MGAT4C: variants seen among roughly 807,000 people sequenced by gnomAD.
MGAT4C encodes the protein MGAT4 family member C, also known as alpha-1,3-mannosyl-glycoprotein 4-beta-N-acetylglucosaminyltransferase C.
MGAT4C carries 19 observed loss-of-function variants against 40.1 expected under a neutral mutation model. The observed-to-expected ratio is 0.47, with a 90% CI of 0.33 to 0.70. The LOEUF is 0.70. MGAT4C is among the 30% of genes least tolerant of loss of function. The pLI is 0.02. For missense variants in MGAT4C, 491 were observed against 563.2 expected, an observed-to-expected ratio of 0.87 and a Z score of 1.30; for synonymous variants, 181 against 187.1, an observed-to-expected ratio of 0.97 and a Z score of 0.27.
rs181430304 is a variant in MGAT4C, at chr12:86,537,672, A to C, written c.-228-102407T>G. Among the ~76,000 whole-genome samples the C allele has an allele frequency of 3.0e-3, 464 of 152,316 alleles. 1 individual carries two copies. The highest frequency in any genetic ancestry group is 6.8e-3 in the Middle Eastern group (2 of 294). ...GTAGAACTTTAATTAATATTTGTTG[A>C]GTGAACGCCTCTAATTTGGGGACAA... On this transcript the variant is annotated intron_variant, in intron 2 of 7. Transcript: ENST00000548651.
intron 2 of MGAT4C, among the ~76,000 whole-genome samples, chr12:85,999,934 C>T (rs1887114984): frequency 6.6e-6 from 1 of 152,064 alleles, no homozygotes; most frequent in Admixed American, 6.6e-5. Flanking sequence ...TAAGTTCTTG[C>T]AGTCTATTAC....
chr12:86,677,579 A>G (rs1015002178), intron 2 of MGAT4C, among the ~76,000 whole-genome samples: 1 of 152,186 alleles, frequency 6.6e-6, no homozygotes, highest in Non-Finnish European at 1.5e-5. Context: ...TTCTTTACAG[A>G]GAATTTACTG....
chr12:86,646,326 A>G (rs1963543403), intron 2 of MGAT4C, among the ~76,000 whole-genome samples: 2 of 151,996 alleles, frequency 1.3e-5, no homozygotes, highest in African/African-American at 2.4e-5. Context: ...AATTCACCTA[A>G]TTTATTCAAT....
At chr12:86,710,293 T>C (rs1560016) in intron 2 of MGAT4C, among the ~76,000 whole-genome samples, 138,194 of 152,212 alleles carry the variant, frequency 0.91, 63,718 homozygotes, top group Non-Finnish European at 1. Flanking sequence ...AAGTATGATA[T>C]TATTGTGCAA....
At chr12:86,451,105 T>C (rs1230102634) in intron 2 of MGAT4C, among the ~76,000 whole-genome samples, 1 of 152,126 alleles carries the variant, frequency 6.6e-6, no homozygotes, top group Non-Finnish European at 1.5e-5. Context: ...TGGGGCCTAG[T>C]AGGAGGTGAT....
chr12:86,367,484 C>G (rs1955621437), intron 3 of MGAT4C, among the ~76,000 whole-genome samples: 1 of 152,168 alleles, frequency 6.6e-6, no homozygotes, highest in South Asian at 2.1e-4. Flanking sequence ...CCGCTGAATG[C>G]TTCAACCCTG....
chr12:86,606,543 T>C (rs1035860175), intron 2 of MGAT4C, among the ~76,000 whole-genome samples: 5 of 152,152 alleles, frequency 3.3e-5, no homozygotes, highest in African/African-American at 1.2e-4. Context: ...GTGACTCCCT[T>C]TGTGAGCTAG....
chr12:86,296,853 C>T (rs568530758), intron 4 of MGAT4C, among the ~76,000 whole-genome samples: 1 of 152,334 alleles, frequency 6.6e-6, no homozygotes, highest in East Asian at 1.9e-4. Flanking sequence ...AGTGCAGTGG[C>T]GGGCCAAAGG....
chr12:86,289,712 T>G lies in MGAT4C; in HGVS notation c.-57+44353A>C, dbSNP rs77507947. ...CTTGACTGGGATCTCAGCTTGGATG[T>G]TGTTGGTGTGTACAAATGCTACTAA... On this transcript the variant is annotated intron_variant, in intron 4 of 7. Coordinates refer to the MGAT4C transcript ENST00000548651. Among the ~76,000 whole-genome samples, 276 of 152,262 alleles carry G rather than the reference T, an allele frequency of 1.8e-3. 8 individuals carry two copies. In the East Asian group the frequency reaches 0.046, roughly 26 times the overall value.
At chr12:86,224,368 C>A (rs1356807565) in intron 1 of MGAT4C, among the ~76,000 whole-genome samples, 2 of 152,028 alleles carry the variant, frequency 1.3e-5, no homozygotes, top group Non-Finnish European at 2.9e-5. Context: ...GACTTCAACA[C>A]CCCACTGCCT....
intron 3 of MGAT4C, among the ~76,000 whole-genome samples, chr12:86,431,745 T>G (rs977446240): frequency 2.0e-5 from 3 of 152,140 alleles, no homozygotes; most frequent in African/African-American, 7.2e-5. Flanking sequence ...TTGCTGCTGC[T>G]TCCCTGCACC....
At chr12:86,653,015 C>T (rs577476611) in intron 2 of MGAT4C, among the ~76,000 whole-genome samples, 1 of 151,784 alleles carries the variant, frequency 6.6e-6, no homozygotes, top group Admixed American at 6.6e-5. Flanking sequence ...GCTATAGGGG[C>T]TTTTTACTTT....
At chr12:86,496,184 G>A (rs1958231333) in intron 2 of MGAT4C, among the ~76,000 whole-genome samples, 1 of 151,934 alleles carries the variant, frequency 6.6e-6, no homozygotes, top group Non-Finnish European at 1.5e-5. Flanking sequence ...GACCTATAGA[G>A]TGATAAAGAC....
At chr12:86,795,604 G>A (rs1486654003) in intron 1 of MGAT4C, among the ~76,000 whole-genome samples, 2 of 151,358 alleles carry the variant, frequency 1.3e-5, no homozygotes, top group Non-Finnish European at 3.0e-5. Context: ...AGAGAAAGGA[G>A]AGAGAGAGAG....
intron 2 of MGAT4C, among the ~76,000 whole-genome samples, chr12:86,540,734 TC>T (rs1959161020): frequency 1.3e-5 from 2 of 150,708 alleles, no homozygotes; most frequent in South Asian, 4.2e-4. Context: ...AGACTCCATC[TC>T]CAGAAAGAGA....
rs577150233 is a variant in MGAT4C, at chr12:86,682,671, A to G, written c.-229+44538T>C. On this transcript the variant is annotated intron_variant, in intron 2 of 7. Coordinates refer to the MGAT4C transcript ENST00000548651. The stretch of plus-strand genomic sequence containing the variant: ...ATACTATGCATTTATTTCATTAAGA[A>G]ATTTCTGAGCTTGCTATTAAATGAA... 2.6e-5 allele frequency among the ~76,000 whole-genome samples: 4 copies of G among 152,258 alleles called. No individual in the cohort carries two copies. In the South Asian group the frequency reaches 6.2e-4, roughly 24 times the overall value.
At chr12:86,246,208 C>G (rs1368926335) in intron 1 of MGAT4C, among the ~76,000 whole-genome samples, 47 of 101,922 alleles carry the variant, frequency 4.6e-4, no homozygotes, top group African/African-American at 1.7e-3. Context: ...TTTTTTGAGA[C>G]AGAGTCTCGC....
chr12:86,758,430 C>T (rs927812869), intron 1 of MGAT4C, among the ~76,000 whole-genome samples: 3 of 148,316 alleles, frequency 2.0e-5, no homozygotes, highest in Admixed American at 1.4e-4. Context: ...TTACTTAGCA[C>T]AATTCTTAGG....
chr12:86,729,873 G>T lies in MGAT4C; in HGVS notation c.-261-2632C>A, dbSNP rs149129204. Among the ~76,000 whole-genome samples the T allele has an allele frequency of 2.8e-4, 42 of 152,054 alleles. 1 individual carries two copies. In the East Asian group the frequency reaches 6.7e-3, roughly 24 times the overall value. On this transcript the variant is annotated intron_variant, in intron 1 of 7. Coordinates refer to the MGAT4C transcript ENST00000548651. ...TAAAATGTTTATACAGACTTCAATTGCTCTTGTTCCTAATAGGCACCATCA... is the reference window on the plus strand; with the variant it reads ...TAAAATGTTTATACAGACTTCAATTTCTCTTGTTCCTAATAGGCACCATCA...
Sources: allele counts gnomAD v4.1 joint callset (sites outside exome capture counted in the v4.1 genomes callset), GRCh38; gene constraint gnomAD v4.1.1; transcripts MANE v1.5; gene names NCBI Gene and HGNC (gene_info 2026-07-23, HGNC 2026-07-21).